NTRK3: variants seen among roughly 807,000 people sequenced by gnomAD.
NTRK3 encodes the protein neurotrophic receptor tyrosine kinase 3, also known as NT-3 growth factor receptor.
Under a neutral mutation model 91.7 loss-of-function variants are expected in NTRK3, and 24 were observed. The ratio of observed to expected loss-of-function variants is 0.26; its 90% CI spans 0.19 to 0.37. NTRK3 has a LOEUF of 0.37. Among genes scored for constraint, NTRK3 ranks in the 10% least tolerant of loss-of-function variants. The pLI, the probability that NTRK3 is intolerant of heterozygous loss-of-function variation, is 1.00. For missense variants in NTRK3, 880 were observed against 1,068.9 expected (o/e 0.82, Z 2.46); for synonymous variants, 483 against 404.0 (o/e 1.20, Z -2.34).
intron 17 of NTRK3, among the ~76,000 whole-genome samples, chr15:87,902,654 AC>A (rs2066522157): frequency 6.6e-6 from 1 of 152,182 alleles, no homozygotes; most frequent in South Asian, 2.1e-4. Flanking sequence ...AACCTGGAAA[AC>A]AAAAATTTTA....
exon 19 of NTRK3, chr15:87,871,264 T>A (rs2064821488): frequency 8.7e-6 from 2 of 231,212 alleles, no homozygotes; most frequent in African/African-American, 2.2e-5. Context: ...GAAAATATGC[T>A]TGAGGAGAAT....
exon 11 of NTRK3, chr15:88,128,711 A>G (rs1344737145): frequency 6.2e-7 from 1 of 1,614,156 alleles, no homozygotes; most frequent in East Asian, 2.2e-5. Context: ...GCAGACTTAC[A>G]CAAGATAAAG....
chr15:88,083,252 C>T (rs185758559), intron 13 of NTRK3, among the ~76,000 whole-genome samples: 76 of 152,178 alleles, frequency 5.0e-4, no homozygotes, highest in African/African-American at 1.8e-3. Context: ...CAGAGTCTCC[C>T]TCTTGTCACC....
chr15:88,086,138 C>T (rs2048476425), intron 13 of NTRK3, among the ~76,000 whole-genome samples: 1 of 152,352 alleles, frequency 6.6e-6, no homozygotes, highest in Admixed American at 6.5e-5. Context: ...CTAGAGAGGA[C>T]TCTGCCAAGA....
In NTRK3 at chr15:87,908,096, A is replaced by T. The variant is rs78847898; in HGVS notation, c.2133+21095T>A. On this transcript the variant is annotated intron_variant, in intron 17 of 18. Transcript: ENST00000394480. ...TGTAAGCACCCAAAGTGTACTCAAA[A>T]CTCAAGGTCACACCTCCTGAAATGC... Among the ~76,000 whole-genome samples the T allele has an allele frequency of 5.4e-3, 822 of 152,174 alleles. 13 individuals carry two copies. The highest frequency in any genetic ancestry group is 0.022 in the East Asian group (115 of 5,170).
At chr15:87,886,751 C>T (rs1350100825) in intron 17 of NTRK3, among the ~76,000 whole-genome samples, 21 of 132,286 alleles carry the variant, frequency 1.6e-4, no homozygotes, top group South Asian at 1.1e-3. Flanking sequence ...CACACACACA[C>T]ATATATATAT....
intron 3 of NTRK3, among the ~76,000 whole-genome samples, chr15:88,227,985 C>A (rs775190213): frequency 3.3e-5 from 5 of 152,214 alleles, no homozygotes; most frequent in African/African-American, 9.6e-5. Flanking sequence ...CACCTCTAGA[C>A]ACATAATTCA....
chr15:88,018,009 G>C (rs934590332), intron 14 of NTRK3, among the ~76,000 whole-genome samples: 3 of 152,186 alleles, frequency 2.0e-5, no homozygotes, highest in African/African-American at 7.2e-5. Flanking sequence ...TGCCTGCTGA[G>C]AGGCCCAGCC....
At chr15:88,114,622 C>A (rs975328471) in intron 13 of NTRK3, among the ~76,000 whole-genome samples, 1 of 152,152 alleles carries the variant, frequency 6.6e-6, no homozygotes, top group African/African-American at 2.4e-5. Context: ...TAATGTGGCA[C>A]AGAACAATGT....
intron 17 of NTRK3, among the ~76,000 whole-genome samples, chr15:87,900,648 C>T (rs1462999996): frequency 2.0e-5 from 3 of 151,658 alleles, no homozygotes; most frequent in African/African-American, 7.3e-5. Context: ...AACTCAAGGC[C>T]CTTCCTAACA....
rs750565995 is a variant in NTRK3 at position 88,032,983 on chromosome 15, C to T, written c.1459G>A (p.Gly487Ser). 7.5e-6 allele frequency: 12 copies of T among 1,610,734 alleles called. 1 individual carries two copies. The highest frequency in any genetic ancestry group is 6.6e-5 in the South Asian group (6 of 90,350). The change falls in exon 14 of 19, where the codon GGC becomes AGC. Residue 487 changes from glycine to serine, a missense_variant. Gly to Ser is a moderately conservative substitution (Grantham distance 56, BLOSUM62 0). Coordinates refer to ENST00000394480, the Ensembl canonical transcript of NTRK3. ...TCCAGTGACGAGGGCGTGGTGATGC[C>T]GTGGTTGATGTGGTGCAGTGGGCTG...
chr15:87,961,792 CCT>C (rs2072321349), intron 14 of NTRK3, among the ~76,000 whole-genome samples: 2 of 152,266 alleles, frequency 1.3e-5, no homozygotes, highest in Non-Finnish European at 2.9e-5. Flanking sequence ...GCCATTAACC[CCT>C]GATTCAATCC....
rs1030349092 is a variant in NTRK3 at position 87,872,283 on chromosome 15, T to C, written c.*4652A>G. The C allele has an allele frequency of 1.8e-5, 4 of 220,424 alleles. 1 individual carries two copies. Among genetic ancestry groups the C allele is most frequent in the African/African-American group, 6.7e-5 (3 of 44,644 alleles). The allele number at this position is 220,424 out of a possible 1,614,324, so 13.7% of individuals were successfully genotyped here. On this transcript the variant is annotated 3_prime_UTR_variant, in exon 19 of 19. Coordinates refer to ENST00000394480, the Ensembl canonical transcript of NTRK3. ...TCTCAAGACTGTCCATTGCAATCAC[T>C]GTACTTTGGAGTCAAGGTAATACTG...
intron 3 of NTRK3, among the ~76,000 whole-genome samples, chr15:88,225,845 A>T (rs1598052288): frequency 1.3e-5 from 2 of 152,168 alleles, no homozygotes; most frequent in Non-Finnish European, 2.9e-5. Flanking sequence ...CAGAACAACA[A>T]GGCACAGATC....
chr15:87,974,855 C>A (rs1231469146), intron 14 of NTRK3, among the ~76,000 whole-genome samples: 1 of 152,186 alleles, frequency 6.6e-6, no homozygotes, highest in Non-Finnish European at 1.5e-5. Flanking sequence ...CCCTGAAAGA[C>A]TTCTCTGTCT....
intron 14 of NTRK3, among the ~76,000 whole-genome samples, chr15:87,992,174 G>A (rs1278100634): frequency 6.6e-6 from 1 of 152,108 alleles, no homozygotes; most frequent in Non-Finnish European, 1.5e-5. Context: ...GTGCCACTGT[G>A]TGATGCCCAA....
At position 88,082,843 on chromosome 15, in the gene NTRK3, C is replaced by G. The variant is rs7177084; in HGVS notation, c.1396+43428G>C. Among the ~76,000 whole-genome samples, 382 of 152,298 alleles carry G rather than the reference C, an allele frequency of 2.5e-3. 7 individuals are homozygous for G. The highest frequency in any genetic ancestry group is 8.8e-3 in the African/African-American group (366 of 41,564). ...TACCCCTGATTTATCTGATTCAGCTCTTTATCTCTTTTACACAGGGGCTTC... is the reference window on the plus strand; with the variant it reads ...TACCCCTGATTTATCTGATTCAGCTGTTTATCTCTTTTACACAGGGGCTTC... On this transcript the variant is annotated intron_variant, in intron 13 of 18. Coordinates refer to ENST00000394480, the Ensembl canonical transcript of NTRK3.
intron 14 of NTRK3, among the ~76,000 whole-genome samples, chr15:87,971,873 T>A (rs773521763): frequency 5.9e-5 from 9 of 152,192 alleles, no homozygotes; most frequent in Non-Finnish European, 1.0e-4. Flanking sequence ...AGGTCAGGAT[T>A]TCATGACTTT....
At chr15:88,048,627 G>T (rs2080481477) in intron 13 of NTRK3, among the ~76,000 whole-genome samples, 3 of 152,324 alleles carry the variant, frequency 2.0e-5, no homozygotes, top group African/African-American at 7.2e-5. Context: ...TTGCTCTCAT[G>T]ATGGGAAGAC....
Sources: gnomAD v4.1 joint callset for allele counts (sites outside exome capture counted in the v4.1 genomes callset) on GRCh38, gnomAD v4.1.1 for gene constraint, MANE v1.5 for transcripts, NCBI Gene and HGNC (gene_info 2026-07-23, HGNC 2026-07-21) for gene names.